Variants in DCC observed in about 807,000 individuals in gnomAD.
DCC encodes the protein DCC netrin 1 receptor.
DCC carries 58 observed loss-of-function variants against 172.5 expected under a neutral mutation model. That is an observed-to-expected ratio of 0.34 (90% CI 0.27 to 0.42). The LOEUF (loss-of-function observed/expected upper bound fraction) is 0.42, where lower values mean the gene tolerates loss of function less well. DCC is among the 10% of genes least tolerant of loss of function. The pLI, the probability that DCC is intolerant of heterozygous loss-of-function variation, is 1.00. For missense variants in DCC, 1,740 were observed against 1,791.0 expected (o/e 0.97, Z 0.51); for synonymous variants, 709 against 644.5 (o/e 1.10, Z -1.52).
chr18:52,638,904 T>C (rs1447121537), intron 1 of DCC, among the ~76,000 whole-genome samples: 1 of 152,116 alleles, frequency 6.6e-6, no homozygotes, highest in Non-Finnish European at 1.5e-5. Context: ...AGAATACACG[T>C]TCTATTTAAC....
chr18:52,753,798 G>A (rs942210185), intron 2 of DCC, among the ~76,000 whole-genome samples: 1 of 152,154 alleles, frequency 6.6e-6, no homozygotes, highest in Non-Finnish European at 1.5e-5. Flanking sequence ...TGGTTAGAAG[G>A]CAGCTCATAA....
intron 12 of DCC, among the ~76,000 whole-genome samples, chr18:53,219,725 G>A (rs985743304): frequency 1.3e-5 from 2 of 152,116 alleles, no homozygotes; most frequent in African/African-American, 4.8e-5. Context: ...ACGTCTTAAA[G>A]TGTCTCACTC....
intron 27 of DCC, among the ~76,000 whole-genome samples, chr18:53,514,913 A>G (rs1295825978): frequency 2.2e-4 from 33 of 151,480 alleles, no homozygotes; most frequent in Admixed American, 2.2e-3. Flanking sequence ...TATTCCAATC[A>G]ATAGAAAAAG....
chr18:53,417,948 C>T (rs143691413), intron 21 of DCC, among the ~76,000 whole-genome samples: 278 of 152,274 alleles, frequency 1.8e-3, no homozygotes, highest in African/African-American at 6.4e-3. Context: ...CACACATCCT[C>T]CATGGATTTT....
chr18:52,897,655 C>T (rs2039750242), intron 2 of DCC, among the ~76,000 whole-genome samples: 1 of 152,096 alleles, frequency 6.6e-6, no homozygotes. Flanking sequence ...TTTTCTTTCC[C>T]TTTGACATCC....
chr18:52,712,288 G>T (rs1482197139), intron 1 of DCC, among the ~76,000 whole-genome samples: 1 of 152,070 alleles, frequency 6.6e-6, no homozygotes, highest in Non-Finnish European at 1.5e-5. Context: ...AAATGAGCCT[G>T]TTAGGTAACA....
chr18:53,352,186 A>T (rs2057820378), intron 15 of DCC, among the ~76,000 whole-genome samples: 1 of 152,108 alleles, frequency 6.6e-6, no homozygotes, highest in Non-Finnish European at 1.5e-5. Context: ...TAATCCAGCT[A>T]CATAGGACAC....
chr18:53,268,700 TGG>T (rs2056711662), intron 12 of DCC, among the ~76,000 whole-genome samples: 1 of 152,158 alleles, frequency 6.6e-6, no homozygotes, highest in Non-Finnish European at 1.5e-5. Flanking sequence ...GGAGGAATCG[TGG>T]TGCTGTCACG....
At chr18:52,881,034 T>A (rs1017214273) in intron 2 of DCC, among the ~76,000 whole-genome samples, 3 of 152,126 alleles carry the variant, frequency 2.0e-5, no homozygotes, top group Admixed American at 2.0e-4. Context: ...ATTACCTGTC[T>A]TTGGGATAAA....
At chr18:53,118,073 T>G (rs1022771684) in intron 7 of DCC, among the ~76,000 whole-genome samples, 2 of 151,814 alleles carry the variant, frequency 1.3e-5, no homozygotes, top group Admixed American at 6.6e-5. Context: ...GGGAGTTGAT[T>G]ACACACAAGT....
In DCC at chr18:52,737,666, G is replaced by A. The variant is rs552501225; in HGVS notation, c.92-14388G>A. Among the ~76,000 whole-genome samples, 180 of 152,216 alleles carry A rather than the reference G, an allele frequency of 1.2e-3. 1 individual carries two copies. The highest frequency in any genetic ancestry group is 4.3e-3 in the African/African-American group (177 of 41,544). On this transcript the variant is annotated intron_variant, in intron 1 of 28. Coordinates refer to ENST00000442544, the MANE Select transcript of DCC (RefSeq NM_005215.4). ...TGGTGAAGACAGGGACAAGGAGGGA[G>A]GAATGAAATAAAGGATCTGTGGCTC...
intron 12 of DCC, among the ~76,000 whole-genome samples, chr18:53,302,608 G>A (rs1262554296): frequency 1.3e-5 from 2 of 151,706 alleles, no homozygotes; most frequent in Non-Finnish European, 2.9e-5. Context: ...TTAGCTTCCT[G>A]TTAAGGAAAA....
intron 1 of DCC, among the ~76,000 whole-genome samples, chr18:52,700,321 CTCACG>C (rs2036099030): frequency 6.7e-6 from 1 of 149,232 alleles, no homozygotes; most frequent in Non-Finnish European, 1.5e-5. Flanking sequence ...CACATGCACA[CTCACG>C]GAATGCACAC....
chr18:53,282,251 G>A (rs530423860), intron 12 of DCC, among the ~76,000 whole-genome samples: 51 of 152,218 alleles, frequency 3.4e-4, no homozygotes, highest in Non-Finnish European at 5.1e-4. Context: ...GTAAATAGCT[G>A]AGTTGGGATT....
At chr18:52,598,329 A>G (rs141074946) in intron 1 of DCC, among the ~76,000 whole-genome samples, 16 of 152,316 alleles carry the variant, frequency 1.1e-4, no homozygotes, top group African/African-American at 3.9e-4. Context: ...TTTTCATTCA[A>G]GACCCCTGAT....
chr18:53,178,483 C>T (rs2055143544), intron 8 of DCC, among the ~76,000 whole-genome samples: 1 of 152,172 alleles, frequency 6.6e-6, no homozygotes, highest in South Asian at 2.1e-4. Flanking sequence ...GAACACTAAG[C>T]ATCTGCGTTT....
At chr18:53,361,978 T>C (rs2057952978) in intron 15 of DCC, among the ~76,000 whole-genome samples, 1 of 152,190 alleles carries the variant, frequency 6.6e-6, no homozygotes, top group Non-Finnish European at 1.5e-5. Context: ...AAAACAGTAC[T>C]TATGGAAAGC....
At chr18:53,153,168 T>C (rs1365202297) in intron 7 of DCC, among the ~76,000 whole-genome samples, 3 of 152,240 alleles carry the variant, frequency 2.0e-5, no homozygotes, top group Non-Finnish European at 4.4e-5. Flanking sequence ...TTTGTCTAAC[T>C]TCTTGAAAAT....
intron 1 of DCC, among the ~76,000 whole-genome samples, chr18:52,515,421 C>T (rs1186961012): frequency 6.6e-6 from 1 of 151,286 alleles, no homozygotes; most frequent in Non-Finnish European, 1.5e-5. Flanking sequence ...TCCTGGCTAA[C>T]ACGGTAAAAC....
Sources: gnomAD v4.1 joint callset for allele counts (sites outside exome capture counted in the v4.1 genomes callset) on GRCh38, gnomAD v4.1.1 for gene constraint, MANE v1.5 for transcripts, NCBI Gene and HGNC (gene_info 2026-07-23, HGNC 2026-07-21) for gene names.